MAP4: variants seen among roughly 807,000 people sequenced by gnomAD.
The protein encoded by MAP4 is microtubule associated protein 4.
MAP4 carries 76 observed loss-of-function variants against 170.2 expected under a neutral mutation model. That is an observed-to-expected ratio of 0.45 (90% CI 0.37 to 0.54). MAP4 has a LOEUF of 0.54. Among genes scored for constraint, MAP4 ranks in the 20% least tolerant of loss-of-function variants. The pLI is 0.00. For missense variants in MAP4, 2,506 were observed against 2,748.0 expected, an observed-to-expected ratio of 0.91 and a Z score of 1.97; for synonymous variants, 909 against 994.5, an observed-to-expected ratio of 0.91 and a Z score of 1.62.
chr3:47,890,954 G>A, intron 10 of MAP4: 1 of 1,281,530 alleles, frequency 7.8e-7, no homozygotes, highest in South Asian at 1.6e-5. Context: ...TGCTCTGCCG[G>A]TAATCTGTCA....
chr3:47,888,809 G>T (rs1222493495), intron 10 of MAP4, among the ~76,000 whole-genome samples: 4 of 152,192 alleles, frequency 2.6e-5, no homozygotes. Context: ...GACGGCTTTG[G>T]AATATTTCCT....
At chr3:47,913,803 G>A (rs2100037179) in intron 8 of MAP4, among the ~76,000 whole-genome samples, 1 of 152,200 alleles carries the variant, frequency 6.6e-6, no homozygotes, top group Non-Finnish European at 1.5e-5. Flanking sequence ...TGTCCCATAT[G>A]TCAGGATGTC....
At chr3:47,935,452 T>C (rs746407259) in intron 3 of MAP4, among the ~76,000 whole-genome samples, 11 of 152,048 alleles carry the variant, frequency 7.2e-5, no homozygotes, top group Non-Finnish European at 1.3e-4. Context: ...AAAGGCCAAA[T>C]AGAAACTTAA....
At chr3:47,985,687 A>G (rs538541568) in intron 2 of MAP4, among the ~76,000 whole-genome samples, 1 of 152,338 alleles carries the variant, frequency 6.6e-6, no homozygotes, top group East Asian at 1.9e-4. Context: ...TAACTTGCCC[A>G]TACTATTCAA....
chr3:47,962,671 G>C (rs1559617862), intron 3 of MAP4, among the ~76,000 whole-genome samples: 2 of 152,080 alleles, frequency 1.3e-5, no homozygotes, highest in Admixed American at 6.6e-5. Context: ...TACATAATAG[G>C]AAAGAGTGGA....
intron 1 of MAP4, among the ~76,000 whole-genome samples, chr3:48,065,921 C>T (rs2100138069): frequency 6.6e-6 from 1 of 152,054 alleles, no homozygotes; most frequent in African/African-American, 2.4e-5. Flanking sequence ...GAGTTTGAGA[C>T]AAGCATGGGC....
At chr3:47,926,648 C>T (rs910332950) in intron 4 of MAP4, among the ~76,000 whole-genome samples, 3 of 152,164 alleles carry the variant, frequency 2.0e-5, no homozygotes, top group African/African-American at 7.2e-5. Context: ...GATTCCCCCA[C>T]CCCAGCCTCC....
chr3:47,885,257 C>T (rs1210634178), intron 10 of MAP4, among the ~76,000 whole-genome samples: 1 of 152,122 alleles, frequency 6.6e-6, no homozygotes, highest in African/African-American at 2.4e-5. Flanking sequence ...GGGATGGACG[C>T]AGTGGCTCAT....
At chr3:48,058,281 G>A (rs2100133331) in intron 1 of MAP4, among the ~76,000 whole-genome samples, 1 of 152,206 alleles carries the variant, frequency 6.6e-6, no homozygotes, top group Admixed American at 6.5e-5. Flanking sequence ...TGTACGGAGA[G>A]AGGGAGGGAG....
chr3:47,860,988 C>A (rs1457766398), intron 17 of MAP4, among the ~76,000 whole-genome samples: 1 of 152,104 alleles, frequency 6.6e-6, no homozygotes, highest in Non-Finnish European at 1.5e-5. Flanking sequence ...TTTGGGAGGG[C>A]TGACGCGGGT....
At chr3:48,040,737 T>C (rs2100121223) in intron 1 of MAP4, among the ~76,000 whole-genome samples, 1 of 152,016 alleles carries the variant, frequency 6.6e-6, no homozygotes, top group Non-Finnish European at 1.5e-5. Flanking sequence ...CTAATTTTTG[T>C]ATTTTTAGTA....
chr3:47,909,230 A>C lies in MAP4; in HGVS notation c.5191T>G (p.Leu1731Val). 6.2e-7 allele frequency: 1 copy of C among 1,613,744 alleles called. No individual in the cohort carries two copies. The highest frequency in any genetic ancestry group is 1.1e-5 in the South Asian group (1 of 91,054). ...TCTGTCATTTTCTGAGGTGTCTCCA[A>C]AATCTTATCTTTGGGTTCTGGGAGT... ...VRLPEPKDKI[L>V]ETPQKMTEKS... The change falls in exon 9 of 21, where the codon TTG becomes GTG. Residue 1731 changes from leucine to valine, a missense_variant. Coordinates refer to ENST00000683076, the MANE Select transcript of MAP4 (RefSeq NM_001385682.1).
chr3:47,872,208 A>T, intron 12 of MAP4, 108 bp from the exon 13 acceptor site: 3 of 1,051,820 alleles, frequency 2.9e-6, no homozygotes, highest in Non-Finnish European at 4.1e-6. Context: ...TTTGGAGACG[A>T]AGTCTCACTC....
intron 10 of MAP4, chr3:47,891,966 C>T (rs1379916406): frequency 6.5e-7 from 1 of 1,536,158 alleles, no homozygotes; most frequent in Non-Finnish European, 8.7e-7. Flanking sequence ...TGCTCCTTAA[C>T]ATATCTGGTA....
rs747894391 is a variant in MAP4 at position 47,863,921 on chromosome 3, G to GGTGTGTGTGTGTGTGTGTGTGTGTGT, written c.6501+3324_6501+3325insACACACACACACACACACACACACAC. Among the ~76,000 whole-genome samples the GGTGTGTGTGTGTGTGTGTGTGTGTGT allele has an allele frequency of 2.7e-5, 3 of 110,794 alleles. No individual in the cohort carries two copies. The East Asian group carries it at 6.5e-4, about 24-fold the overall frequency. The allele number at this position is 110,794 out of a possible 152,430, so 72.7% of individuals were successfully genotyped here. A position where few individuals can be genotyped will look rare whatever the true frequency, so the allele number is the denominator to read the frequency against. ...TTCTGTGTGTGTGTGTGTGGGTGTGGGTGTGTGTGTGTGTGTGGGGAGTGG... is the reference window on the plus strand; with the variant it reads ...TTCTGTGTGTGTGTGTGTGGGTGTGGGTGTGTGTGTGTGTGTGTGTGTGTGTGTGTGTGTGTGTGTGTGGGGAGTGG... On this transcript the variant is annotated intron_variant, in intron 17 of 20. Coordinates refer to ENST00000683076, the MANE Select transcript of MAP4 (RefSeq NM_001385682.1).
At chr3:48,080,863 G>T (rs548955140) in intron 1 of MAP4, among the ~76,000 whole-genome samples, 1 of 152,152 alleles carries the variant, frequency 6.6e-6, no homozygotes, top group Non-Finnish European at 1.5e-5. Context: ...CCTGGCTCAC[G>T]CCTGTAATCC....
At position 47,971,012 on chromosome 3, in the gene MAP4, C is replaced by T. The variant is rs184762672; in HGVS notation, c.292+6853G>A. On this transcript the variant is annotated intron_variant, in intron 3 of 20. Transcript: ENST00000683076. ...TCAATGGAGTCCTAAACACTCTAAA[C>T]GTAAATGTAACATCTTGTATATGGG... Among the ~76,000 whole-genome samples the T allele has an allele frequency of 2.6e-5, 4 of 152,186 alleles. No homozygotes were observed. The East Asian group carries it at 5.8e-4, about 22-fold the overall frequency.
At chr3:47,900,987 G>A (rs1230080669) in intron 10 of MAP4, among the ~76,000 whole-genome samples, 1 of 152,108 alleles carries the variant, frequency 6.6e-6, no homozygotes, top group Non-Finnish European at 1.5e-5. Context: ...ATCTCAAAAT[G>A]TTTAACAGAT....
chr3:48,056,438 T>G (rs1398165271), intron 1 of MAP4, among the ~76,000 whole-genome samples: 9 of 39,338 alleles, frequency 2.3e-4, no homozygotes, highest in Admixed American at 4.4e-4. Flanking sequence ...GGGAGGGAGG[T>G]GGGGGGGTCA....
Sources: allele counts gnomAD v4.1 joint callset (sites outside exome capture counted in the v4.1 genomes callset), GRCh38; gene constraint gnomAD v4.1.1; transcripts MANE v1.5; gene names NCBI Gene and HGNC (gene_info 2026-07-23, HGNC 2026-07-21).